Variants in UBR2 observed in about 807,000 individuals in gnomAD.
UBR2 encodes the protein E3 ubiquitin-protein ligase UBR2.
A neutral mutation model predicts 247.9 loss-of-function variants in UBR2; 92 were observed. The observed-to-expected ratio is 0.37, with a 90% CI of 0.31 to 0.44. The LOEUF (loss-of-function observed/expected upper bound fraction) is 0.44. Ranked by LOEUF, UBR2 falls within the 20% of genes least tolerant of loss-of-function variation. The probability of loss-of-function intolerance (pLI) is 1.00; values close to 1 mark genes in which losing one functional copy is unlikely to be tolerated. For synonymous variants in UBR2, 672 were observed against 693.5 expected, an observed-to-expected ratio of 0.97 and a Z score of 0.49; for missense variants, 1,613 against 2,112.6, an observed-to-expected ratio of 0.76 and a Z score of 4.64.
chr6:42,627,540 C>T (rs1449831151), intron 11 of UBR2, among the ~76,000 whole-genome samples: 1 of 152,006 alleles, frequency 6.6e-6, no homozygotes, highest in Non-Finnish European at 1.5e-5. Flanking sequence ...CTCTGTTGCC[C>T]AGGCTAGAGT....
intron 13 of UBR2, 54 bp downstream of exon 13, chr6:42,632,958 C>CTTTTTTTTTTTTTTTTTTTTTTTTTCTT (rs34284200): frequency 1.6e-6 from 1 of 610,590 alleles, no homozygotes; most frequent in Non-Finnish European, 2.3e-6. Context: ...TCTCTTTTCT[C>CTTTTTTTTTTTTTTTTTTTTTTTTTCTT]TTTTTTTTTT....
chr6:42,613,251 T>G (rs1794207134), intron 8 of UBR2, among the ~76,000 whole-genome samples: 3 of 152,238 alleles, frequency 2.0e-5, no homozygotes, highest in Non-Finnish European at 4.4e-5. Context: ...GCTGTTATGC[T>G]ATTCTTCAGG....
chr6:42,658,609 G>A (rs1797582738), intron 28 of UBR2, 37 bp from the exon 29 acceptor site: 3 of 1,550,298 alleles, frequency 1.9e-6, no homozygotes, highest in African/African-American at 2.8e-5. Context: ...GTGCGTTTTA[G>A]CATCTAATTG....
intron 41 of UBR2, among the ~76,000 whole-genome samples, chr6:42,679,195 G>A (rs1196947331): frequency 6.6e-6 from 1 of 152,220 alleles, no homozygotes; most frequent in African/African-American, 2.4e-5. Flanking sequence ...ATCCCACAGT[G>A]CCTGGCACTG....
At chr6:42,640,825 G>A (rs1294809103) in intron 16 of UBR2, among the ~76,000 whole-genome samples, 1 of 151,982 alleles carries the variant, frequency 6.6e-6, no homozygotes, top group African/African-American at 2.4e-5. Context: ...TACCTCCATG[G>A]TTTAAGGAAT....
At chr6:42,610,587 A>G (rs1430855252) in intron 7 of UBR2, among the ~76,000 whole-genome samples, 1 of 152,202 alleles carries the variant, frequency 6.6e-6, no homozygotes, top group Non-Finnish European at 1.5e-5. Context: ...CGGTAACAAA[A>G]AGATAAATAG....
intron 15 of UBR2, among the ~76,000 whole-genome samples, chr6:42,637,710 T>C (rs2151954982): frequency 6.6e-6 from 1 of 152,294 alleles, no homozygotes; most frequent in South Asian, 2.1e-4. Context: ...AAGGACATAA[T>C]GGGGTGATAA....
chr6:42,647,618 TTGTAAC>T (rs1374918590), intron 21 of UBR2, among the ~76,000 whole-genome samples: 1 of 151,842 alleles, frequency 6.6e-6, no homozygotes, highest in Admixed American at 6.6e-5. Context: ...AATAAAGTGA[TTGTAAC>T]TGTATTTCCC....
rs1417942610 is a variant in UBR2 at position 42,663,418 on chromosome 6, A to G, written c.3697A>G (p.Asn1233Asp). ...GCTTCCTCCAAGAAATATTTTTAAC[A>G]AGTAAGTTTTGGCTCATGACAACTA... Reference protein sequence around the residue: ...LLLPPRNIFNNRLNFSDQPNL... With the variant: ...LLLPPRNIFNDRLNFSDQPNL... The change falls in exon 32 of 47, where the codon AAC (asparagine) becomes GAC (aspartate). Residue 1233 changes from asparagine (N) to aspartate (D), a missense_variant and splice_region_variant. This residue lies in a region of UBR2 where 1,524 missense variants were observed against 1,967.3 expected (regional missense o/e 0.77). Coordinates refer to ENST00000372901, the MANE Select transcript of UBR2 (RefSeq NM_001363705.2). The G allele has an allele frequency of 1.9e-6, 3 of 1,605,550 alleles. No homozygotes were observed. The highest frequency in any genetic ancestry group is 2.5e-6 in the Non-Finnish European group (3 of 1,176,826).
chr6:42,689,435 A>T lies in UBR2; in HGVS notation c.5025-134A>T, dbSNP rs966956247. ...TCAACCTATTTCCTAGTTTGTGCAC[A>T]ATTTTTTAATGGATAACTTCCTCCT... On this transcript the variant is annotated intron_variant, in intron 45 of 46. Coordinates refer to ENST00000372901, the MANE Select transcript of UBR2 (RefSeq NM_001363705.2). This position sits in a 1 kb window ranked among gnomAD's most constrained non-coding sequence, Gnocchi z 4.0. 92 of 894,674 alleles carry T rather than the reference A, an allele frequency of 1.0e-4. No individual in the cohort carries two copies. Among genetic ancestry groups the T allele is most frequent in the Non-Finnish European group, 1.5e-4 (85 of 561,506 alleles). The allele number at this position is 894,674 out of a possible 1,614,324, so 55.4% of individuals were successfully genotyped here.
chr6:42,606,705 T>C, intron 7 of UBR2, 54 bp downstream of exon 7: 1 of 1,433,290 alleles, frequency 7.0e-7, no homozygotes, highest in Middle Eastern at 2.2e-4. Context: ...AAAACTAGCT[T>C]CATATTTCAG....
chr6:42,674,694 G>A (rs777788992), intron 38 of UBR2, among the ~76,000 whole-genome samples: 8 of 152,046 alleles, frequency 5.3e-5, no homozygotes, highest in East Asian at 3.9e-4. Flanking sequence ...CCCAGGAGGC[G>A]GAGGTTGCAG....
chr6:42,623,403 C>T (rs895408278), intron 11 of UBR2, among the ~76,000 whole-genome samples: 8 of 152,258 alleles, frequency 5.3e-5, no homozygotes, highest in Non-Finnish European at 8.8e-5. Flanking sequence ...TCCCGAGTAC[C>T]TGGGACTATA....
At chr6:42,641,553 T>C (rs1441982861) in intron 16 of UBR2, 29 bp from the exon 17 acceptor site, 1 of 1,550,456 alleles carries the variant, frequency 6.4e-7, no homozygotes, top group South Asian at 1.2e-5. Flanking sequence ...TTTTTTTGTT[T>C]TCTGTTTTTT....
At chr6:42,678,706 A>G (rs774592355) in intron 41 of UBR2, 37 bp downstream of exon 41, 1 of 1,586,808 alleles carries the variant, frequency 6.3e-7, no homozygotes, top group Non-Finnish European at 8.6e-7. Context: ...AGGGAGAGTT[A>G]GTAATCCTTT....
At chr6:42,684,317 C>G (rs532662710) in intron 43 of UBR2, among the ~76,000 whole-genome samples, 1 of 152,282 alleles carries the variant, frequency 6.6e-6, no homozygotes, top group African/African-American at 2.4e-5. Context: ...TGGCTCACGC[C>G]TGTAATCCCA....
rs1356854533 is a variant in UBR2, at chr6:42,582,298, A to AAAAC, written c.338+8308_338+8309insCAAA. 5.3e-3 allele frequency among the ~76,000 whole-genome samples: 807 copies of AAAAC among 151,616 alleles called. 13 individuals carry two copies. The highest frequency in any genetic ancestry group is 0.019 in the African/African-American group (780 of 41,104). ...ACTCCGTCTCAAAAAAAAAAAAAAA[A>AAAAC]AAAAACATTTTAGGAATGTAAGAAA... On this transcript the variant is annotated intron_variant, in intron 2 of 46. Coordinates refer to ENST00000372901, the MANE Select transcript of UBR2 (RefSeq NM_001363705.2).
intron 44 of UBR2, among the ~76,000 whole-genome samples, chr6:42,685,596 C>A (rs1300028086): frequency 6.6e-6 from 1 of 151,714 alleles, no homozygotes; most frequent in Non-Finnish European, 1.5e-5. Flanking sequence ...TCCTGAGTAG[C>A]TGGGATTACA....
chr6:42,594,920 A>C (rs558210536), intron 4 of UBR2, among the ~76,000 whole-genome samples: 23 of 152,312 alleles, frequency 1.5e-4, no homozygotes, highest in African/African-American at 5.3e-4. Context: ...AAAACTTTCC[A>C]TATATTTCTA....
Sources: gnomAD v4.1 joint callset for allele counts (sites outside exome capture counted in the v4.1 genomes callset) on GRCh38, gnomAD v4.1.1 for gene constraint, gnomAD v4.1.1 regional missense constraint, Gnocchi (gnomAD v3.1) non-coding constraint, MANE v1.5 for transcripts, NCBI Gene and HGNC (gene_info 2026-07-23, HGNC 2026-07-21) for gene names.